NPHP1: variants seen among roughly 807,000 people sequenced by gnomAD.
NPHP1 encodes the protein nephrocystin 1, also known as nephrocystin-1.
A neutral mutation model predicts 90.4 loss-of-function variants in NPHP1; 70 were observed. The ratio of observed to expected loss-of-function variants is 0.77; its 90% CI spans 0.64 to 0.95. The LOEUF (loss-of-function observed/expected upper bound fraction) is 0.95. Ranked by LOEUF, NPHP1 falls within the 40% of genes least tolerant of loss-of-function variation. NPHP1 has a pLI of 0.00. For missense variants in NPHP1, 764 were observed against 795.9 expected, an observed-to-expected ratio of 0.96 and a Z score of 0.48; for synonymous variants, 256 against 271.7, an observed-to-expected ratio of 0.94 and a Z score of 0.57.
At chr2:110,180,702 G>C (rs1251104120) in intron 2 of NPHP1, among the ~76,000 whole-genome samples, 1 of 152,064 alleles carries the variant, frequency 6.6e-6, no homozygotes, top group Admixed American at 6.5e-5. Context: ...AGGGGAACAA[G>C]AGCCAACCTG....
chr2:110,204,640 G>T (rs1040042755), intron 1 of NPHP1, among the ~76,000 whole-genome samples: 6 of 152,102 alleles, frequency 3.9e-5, no homozygotes, highest in Non-Finnish European at 8.8e-5. Context: ...AGTGAGGGTC[G>T]GAGGAGGGGG....
rs748879613 is a variant in NPHP1, at chr2:110,165,055, T to C, written c.725A>G (p.Gln242Arg). Residue 242 changes from glutamine (Q) to arginine (R), a missense_variant, in exon 7 of 20, where the codon CAA (glutamine) becomes CGA (arginine). Gln to Arg is a conservative substitution (Grantham distance 43). Transcript: ENST00000445609. ...ATATCCTTTCCCACTTTTGTACCTT[T>C]GCTTAACTTCTGCTCCATCTGCTGT... ...DETADGAEVK[Q>R]RTDPHWSAVQ... The C allele has an allele frequency of 6.2e-7, 1 of 1,611,592 alleles. No individual in the cohort carries two copies. Among genetic ancestry groups the C allele is most frequent in the South Asian group, 1.1e-5 (1 of 91,026 alleles).
chr2:110,127,012 A>G (rs796885749), intron 18 of NPHP1: 12 of 152,666 alleles, frequency 7.9e-5, no homozygotes, highest in African/African-American at 2.9e-4. Context: ...ACCAAGATCC[A>G]CTTCCTTTCT....
chr2:110,141,897 C>G (rs1353827360), intron 16 of NPHP1, among the ~76,000 whole-genome samples: 1 of 147,272 alleles, frequency 6.8e-6, no homozygotes, highest in Non-Finnish European at 1.5e-5. Context: ...GGCGTGAACC[C>G]GGGAGGCGGA....
intron 9 of NPHP1, 80 bp from the exon 10 acceptor site, chr2:110,161,777 T>A: frequency 9.6e-7 from 1 of 1,036,530 alleles, no homozygotes; most frequent in Non-Finnish European, 1.5e-6. Context: ...TGCTATGAAC[T>A]AGAGTACAGG....
chr2:110,151,872 T>C (rs1681494212), intron 11 of NPHP1, among the ~76,000 whole-genome samples: 1 of 152,174 alleles, frequency 6.6e-6, no homozygotes, highest in Admixed American at 6.5e-5. Context: ...TGAAATCCTA[T>C]ACTACCTCTG....
In NPHP1 at chr2:110,146,840, G is replaced by C; in HGVS notation, c.1270-5C>G. On this transcript the variant is annotated splice_region_variant and splice_polypyrimidine_tract_variant and intron_variant, in intron 13 of 19. Transcript: ENST00000445609. ...CTCTCCTCTTTCACCAGTTGACTAG[G>C]AAATAAGACAAGTATATGAAACTTA... is the stretch of plus-strand genomic sequence containing the variant. 6.2e-7 allele frequency: 1 copy of C among 1,608,010 alleles called. No individual in the cohort carries two copies.
At chr2:110,192,230 A>T (rs1487001015) in intron 2 of NPHP1, among the ~76,000 whole-genome samples, 1 of 152,152 alleles carries the variant, frequency 6.6e-6, no homozygotes, top group African/African-American at 2.4e-5. Flanking sequence ...GGAAGTTCGA[A>T]CCCGTGGAAA....
chr2:110,138,696 G>A (rs1266279685), intron 16 of NPHP1, among the ~76,000 whole-genome samples: 6 of 152,000 alleles, frequency 3.9e-5, no homozygotes, highest in South Asian at 2.1e-4. Context: ...TTTGGTCCAC[G>A]GTCCCATTGC....
Position 110,147,884 on chromosome 2 carries a change from C to T in NPHP1, c.1269+32G>A, listed in dbSNP as rs757182221. The T allele has an allele frequency of 5.7e-6, 7 of 1,237,638 alleles. No homozygotes were observed. The East Asian group carries it at 6.9e-5, about 12-fold the overall frequency. 76.7% of individuals were successfully genotyped at this position (1,237,638 alleles called of 1,614,324 possible). On this transcript the variant is annotated intron_variant, in intron 13 of 19. Transcript: ENST00000445609. ...TTTTAACCTTCCCTTTTAACTGATA[C>T]ATTAGAAAGCCTTATCTTTCAACGG...
intron 2 of NPHP1, among the ~76,000 whole-genome samples, chr2:110,183,614 T>C (rs1684067389): frequency 6.6e-6 from 1 of 152,066 alleles, no homozygotes; most frequent in Non-Finnish European, 1.5e-5. Context: ...TGGGTTAGGG[T>C]CTCCATGACC....
rs745768183 is a variant in NPHP1, at chr2:110,169,856, T to C, written c.472A>G (p.Ile158Val). 1.3e-5 allele frequency: 21 copies of C among 1,613,662 alleles called. 1 individual carries two copies. Among genetic ancestry groups the C allele is most frequent in the Non-Finnish European group, 1.8e-5 (21 of 1,179,788 alleles). Reference sequence around the variant, plus strand: ...TGAGCAGTAAAATCTCCAACAGCGATGTATTCTTCACCGGTTGACCATTTG... The same window carrying C: ...TGAGCAGTAAAATCTCCAACAGCGACGTATTCTTCACCGGTTGACCATTTG... ...SHKWSTGEEY[I>V]AVGDFTAQQV... The change falls in exon 5 of 20, where the codon ATC becomes GTC. Residue 158 changes from isoleucine to valine, a missense_variant. Transcript: ENST00000445609.
At chr2:110,172,072 T>C (rs1441203166) in intron 4 of NPHP1, among the ~76,000 whole-genome samples, 8 of 152,200 alleles carry the variant, frequency 5.3e-5, no homozygotes, top group Non-Finnish European at 1.0e-4. Context: ...TCAACTTCTT[T>C]AGTAAATATT....
chr2:110,161,425 G>C (rs964285572), intron 10 of NPHP1, among the ~76,000 whole-genome samples, 178 bp downstream of exon 10: 1 of 152,074 alleles, frequency 6.6e-6, no homozygotes, highest in African/African-American at 2.4e-5. Flanking sequence ...ACAAGATAAA[G>C]TCAAGGTAGC....
chr2:110,167,780 C>T (rs984140346), intron 6 of NPHP1, among the ~76,000 whole-genome samples: 8 of 152,052 alleles, frequency 5.3e-5, no homozygotes, highest in South Asian at 2.1e-4. Flanking sequence ...GAGCCTTTAA[C>T]CTGTGGGGGT....
intron 16 of NPHP1, among the ~76,000 whole-genome samples, chr2:110,132,886 C>A (rs1278597599): frequency 2.0e-5 from 3 of 151,300 alleles, no homozygotes; most frequent in Admixed American, 1.3e-4. Context: ...ATGGTAACCA[C>A]AAAGAAAATA....
intron 2 of NPHP1, among the ~76,000 whole-genome samples, chr2:110,182,100 T>C (rs1404341412): frequency 6.6e-6 from 1 of 151,822 alleles, no homozygotes; most frequent in East Asian, 1.9e-4. Flanking sequence ...AGAATGAAAA[T>C]GAATGAACAA....
At chr2:110,138,656 G>A (rs1680396728) in intron 16 of NPHP1, among the ~76,000 whole-genome samples, 1 of 152,128 alleles carries the variant, frequency 6.6e-6, no homozygotes, top group South Asian at 2.1e-4. Context: ...AGAACGACCT[G>A]AGCATGAACA....
chr2:110,161,814 T>C lies in NPHP1; in HGVS notation c.860-117A>G, dbSNP rs1682365108. ...ACTTCCAAAATGCCACGCTGCTTAC[T>C]AAGAACTTGCTTTCCAAAATAGAAG... On this transcript the variant is annotated intron_variant, in intron 9 of 19. Transcript: ENST00000445609. 5 of 696,388 alleles carry C rather than the reference T, an allele frequency of 7.2e-6. No individual in the cohort carries two copies. In the South Asian group the frequency reaches 8.3e-5, roughly 12 times the overall value. 43.1% of individuals were successfully genotyped at this position (696,388 alleles called of 1,614,324 possible). A position where few individuals can be genotyped will look rare whatever the true frequency, so the allele number is the denominator to read the frequency against.
Sources: gnomAD v4.1 joint callset for allele counts (sites outside exome capture counted in the v4.1 genomes callset) on GRCh38, gnomAD v4.1.1 for gene constraint, MANE v1.5 for transcripts, NCBI Gene and HGNC (gene_info 2026-07-23, HGNC 2026-07-21) for gene names.